The following FYN variants were observed in gnomAD, a reference collection of about 807,000 sequenced individuals.
FYN encodes tyrosine-protein kinase Fyn.
A neutral mutation model predicts 70.2 loss-of-function variants in FYN; 10 were observed. The observed-to-expected ratio is 0.14, with a 90% confidence interval of 0.09 to 0.24. The LOEUF (loss-of-function observed/expected upper bound fraction) is 0.24. FYN is among the 10% of genes least tolerant of loss of function. The probability of loss-of-function intolerance (pLI) is 1.00; values close to 1 mark genes in which losing one functional copy is unlikely to be tolerated. For synonymous variants in FYN, 236 were observed against 248.6 expected (o/e 0.95, Z 0.48); for missense variants, 319 against 673.1 (o/e 0.47, Z 5.82).
At chr6:111,737,208 A>G (rs1770039724) in intron 3 of FYN, among the ~76,000 whole-genome samples, 1 of 152,212 alleles carries the variant, frequency 6.6e-6, no homozygotes, top group Non-Finnish European at 1.5e-5. Flanking sequence ...CAAGCAAGCA[A>G]TTTTGCAGTG....
intron 12 of FYN, among the ~76,000 whole-genome samples, chr6:111,685,361 A>G (rs1448051384): frequency 5.9e-5 from 9 of 152,218 alleles, no homozygotes; most frequent in African/African-American, 1.7e-4. Context: ...TTTGACTGGG[A>G]GCTCAGAACA....
At chr6:111,663,007 C>T (rs916094906) in intron 13 of FYN, among the ~76,000 whole-genome samples, 1 of 152,250 alleles carries the variant, frequency 6.6e-6, no homozygotes, top group Admixed American at 6.5e-5. Context: ...CACTGGCTGC[C>T]TTAACACTAC....
intron 2 of FYN, among the ~76,000 whole-genome samples, chr6:111,826,073 C>T (rs1169184022): frequency 6.6e-6 from 1 of 152,270 alleles, no homozygotes; most frequent in Middle Eastern, 3.4e-3. Context: ...GGGAAAACAA[C>T]TGAGCTGCCA....
At chr6:111,766,657 T>C (rs1332734888) in intron 3 of FYN, among the ~76,000 whole-genome samples, 2 of 152,082 alleles carry the variant, frequency 1.3e-5, no homozygotes, top group African/African-American at 4.8e-5. Context: ...AGCAATCACA[T>C]CCTTCCTCAC....
At chr6:111,696,233 C>T (rs1388089723) in intron 10 of FYN, 44 bp downstream of exon 10, 2 of 1,533,442 alleles carry the variant, frequency 1.3e-6, no homozygotes, top group Non-Finnish European at 8.8e-7. Context: ...CTAAACAACC[C>T]CTTAAGGCAC....
In FYN at chr6:111,719,896, G is replaced by A. The variant is rs779934382; in HGVS notation, c.156C>T (p.Asn52=). 1.2e-6 allele frequency: 2 copies of A among 1,614,088 alleles called. No individual in the cohort carries two copies. Among genetic ancestry groups the A allele is most frequent in the Non-Finnish European group, 1.7e-6 (2 of 1,180,036 alleles). The part of the protein sequence containing the change: ...FGVTSIPNYN[N]FHAAGGQGLT... ...GTCCTTGGCCCCCGGCTGCGTGGAA[G>A]TTGTTGTAGTTGGGGATGGAGGTCA... The change falls in exon 4 of 14, where the codon AAC becomes AAT. Residue 52 remains asparagine (N), a synonymous_variant. Transcript: ENST00000354650.
At chr6:111,671,250 C>T (rs1197157680) in intron 13 of FYN, among the ~76,000 whole-genome samples, 1 of 152,182 alleles carries the variant, frequency 6.6e-6, no homozygotes, top group Non-Finnish European at 1.5e-5. Context: ...GTCCACTCCT[C>T]TCACACAACT....
chr6:111,679,410 T>A (rs550794871), intron 12 of FYN, among the ~76,000 whole-genome samples: 1 of 152,330 alleles, frequency 6.6e-6, no homozygotes, highest in East Asian at 1.9e-4. Flanking sequence ...CTGAAGGCTG[T>A]CTCTGCCCCA....
At chr6:111,739,010 A>C (rs1480751575) in intron 3 of FYN, among the ~76,000 whole-genome samples, 1 of 152,162 alleles carries the variant, frequency 6.6e-6, no homozygotes, top group African/African-American at 2.4e-5. Context: ...CCTCCTGCCA[A>C]GAATGGCTTC....
chr6:111,821,300 A>G (rs1005800324), intron 2 of FYN, among the ~76,000 whole-genome samples: 1 of 152,086 alleles, frequency 6.6e-6, no homozygotes, highest in Non-Finnish European at 1.5e-5. Context: ...AGACCAATGG[A>G]ACACAACAGA....
chr6:111,851,818 A>C, intron 1 of FYN, among the ~76,000 whole-genome samples: 1 of 152,118 alleles, frequency 6.6e-6, no homozygotes, highest in Non-Finnish European at 1.5e-5. Context: ...CTCCCTCCAA[A>C]GAAGACAGCC....
chr6:111,793,185 T>C (rs1247732452), intron 2 of FYN, among the ~76,000 whole-genome samples: 2 of 152,234 alleles, frequency 1.3e-5, no homozygotes, highest in Non-Finnish European at 2.9e-5. Flanking sequence ...AAGTGCCATT[T>C]CATTAAATTA....
rs762425590 is a variant in FYN, at chr6:111,696,435, T to C, written c.884A>G (p.Lys295Arg). 1.9e-6 allele frequency: 3 copies of C among 1,605,718 alleles called. No homozygotes were observed. In the East Asian group the frequency reaches 6.7e-5, roughly 36 times the overall value. ...VWMGTWNGNT[K>R]VAIKTLKPGT... ...TGGTTTAAGAGTCTTTATGGCTACT[T>C]TTGTGTTTCCATTCCAGGTACCTAC... Residue 295 changes from lysine to arginine, a missense_variant, in exon 10 of 14, where the codon AAA (lysine) becomes AGA (arginine). Physicochemically the swap from Lys to Arg is conservative, Grantham distance 26. Transcript: ENST00000354650.
At chr6:111,801,182 T>C (rs895785176) in intron 2 of FYN, among the ~76,000 whole-genome samples, 27 of 152,170 alleles carry the variant, frequency 1.8e-4, no homozygotes, top group Non-Finnish European at 3.2e-4. Flanking sequence ...ATGCTGCAGG[T>C]GGCCAAGCAA....
chr6:111,842,715 T>A (rs1773401071), intron 2 of FYN, among the ~76,000 whole-genome samples: 1 of 152,236 alleles, frequency 6.6e-6, no homozygotes, highest in African/African-American at 2.4e-5. Context: ...GACATGGCTT[T>A]AAAGCTGGAT....
intron 3 of FYN, among the ~76,000 whole-genome samples, chr6:111,724,651 T>C (rs1357521127): frequency 1.3e-5 from 2 of 152,186 alleles, no homozygotes; most frequent in East Asian, 1.9e-4. Flanking sequence ...AGAGGAGGAA[T>C]GGCAGGAAGA....
At position 111,694,443 on chromosome 6, in the gene FYN, A is replaced by C. The variant is rs1276905617; in HGVS notation, c.1205T>G (p.Leu402Arg). ...RSANILVGNG[L>R]ICKIADFGLA... ...TCCGAAGTCAGCAATCTTGCATATG[A>C]GTCCATTCCCCACTAGAATGTTTGC... Residue 402 changes from leucine (L) to arginine (R), a missense_variant, in exon 12 of 14, where the codon CTC becomes CGC. This residue lies in a region of FYN where 64 missense variants were observed against 223.0 expected (regional missense o/e 0.29). Coordinates refer to ENST00000354650, the MANE Select transcript of FYN (RefSeq NM_002037.5). The surrounding 1 kb of genome is among the most constrained non-coding windows in gnomAD (Gnocchi z 5.0). 2 of 1,614,134 alleles carry C rather than the reference A, an allele frequency of 1.2e-6. No homozygotes were observed. Among genetic ancestry groups the C allele is most frequent in the African/African-American group, 2.7e-5 (2 of 74,950 alleles).
intron 2 of FYN, among the ~76,000 whole-genome samples, chr6:111,802,077 C>T (rs934825320): frequency 9.9e-5 from 15 of 152,166 alleles, no homozygotes; most frequent in Non-Finnish European, 1.6e-4. Flanking sequence ...GTGTCCCAGC[C>T]CAAATCTCAT....
chr6:111,710,745 C>A (rs536549636), intron 5 of FYN, among the ~76,000 whole-genome samples: 6 of 152,114 alleles, frequency 3.9e-5, no homozygotes, highest in Admixed American at 1.3e-4. Flanking sequence ...ACTAGAAGCA[C>A]CAATTCACCT....
Sources: allele counts gnomAD v4.1 joint callset (sites outside exome capture counted in the v4.1 genomes callset), GRCh38; gene constraint gnomAD v4.1.1; regional missense constraint gnomAD v4.1.1; non-coding constraint Gnocchi (gnomAD v3.1); transcripts MANE v1.5; gene names NCBI Gene and HGNC (gene_info 2026-07-23, HGNC 2026-07-21).